The following TRIM36 variants were observed in gnomAD, a reference collection of about 807,000 sequenced individuals.
TRIM36 encodes the protein tripartite motif containing 36, also known as E3 ubiquitin-protein ligase TRIM36.
In TRIM36, 42 loss-of-function variants were observed where a neutral mutation model predicts 72.4. The observed-to-expected ratio is 0.58, with a 90% CI of 0.45 to 0.75. The LOEUF (loss-of-function observed/expected upper bound fraction) is 0.75. TRIM36 is among the 30% of genes least tolerant of loss of function. TRIM36 has a pLI of 0.00. For synonymous variants in TRIM36, 315 were observed against 282.8 expected (o/e 1.11, Z -1.14); for missense variants, 913 against 857.1 (o/e 1.07, Z -0.81).
intron 1 of TRIM36, among the ~76,000 whole-genome samples, chr5:115,166,670 C>T (rs1026450173): frequency 3.9e-5 from 6 of 152,210 alleles, no homozygotes; most frequent in African/African-American, 1.2e-4. Context: ...CCCTGCTGCT[C>T]GCCATGTTGT....
chr5:115,169,609 G>A lies in TRIM36; in HGVS notation c.26C>T (p.Pro9Leu). The A allele has an allele frequency of 2.0e-6, 3 of 1,521,688 alleles. No homozygotes were observed. The highest frequency in any genetic ancestry group is 1.8e-6 in the Non-Finnish European group (2 of 1,140,352). The allele number at this position is 1,521,688 out of a possible 1,614,324, so 94.3% of individuals were successfully genotyped here. Reference sequence around the variant, plus strand: ...GGCGGCGGTCCCCTCCGCACTCACCGGCGAATCTGAGCCATCGCCCTCCAT... The same window carrying A: ...GGCGGCGGTCCCCTCCGCACTCACCAGCGAATCTGAGCCATCGCCCTCCAT... MEGDGSDS[P>L]VTIKNIEREL... Residue 9 changes from proline to leucine, a missense_variant and splice_region_variant, in exon 1 of 10, where the codon CCG (proline) becomes CTG (leucine). Physicochemically the swap from Pro to Leu is moderately conservative, Grantham distance 98. Coordinates refer to ENST00000513154, the MANE Select transcript of TRIM36 (RefSeq NM_001300759.2).
At chr5:115,127,926 T>C (rs961502143) in intron 9 of TRIM36, among the ~76,000 whole-genome samples, 1 of 152,084 alleles carries the variant, frequency 6.6e-6, no homozygotes, top group Non-Finnish European at 1.5e-5. Context: ...CCAGAAGACC[T>C]TCCAGTGGGA....
chr5:115,159,954 T>A (rs1754388703), intron 2 of TRIM36, among the ~76,000 whole-genome samples: 2 of 152,042 alleles, frequency 1.3e-5, no homozygotes, highest in Non-Finnish European at 2.9e-5. Context: ...AAGGTAAATG[T>A]TGCAAATACA....
rs529742324 is a variant in TRIM36 at position 115,130,581 on chromosome 5, C to T, written c.1796+11G>A. The T allele has an allele frequency of 5.3e-4, 855 of 1,608,556 alleles. 11 individuals are homozygous for T. The South Asian group carries it at 8.8e-3, about 17-fold the overall frequency. On this transcript the variant is annotated intron_variant, in intron 9 of 9. Transcript: ENST00000513154. Reference sequence around the variant, plus strand: ...AAAATTATCAAGTTCTAGATCAATACAAAAACCTACCTTGGACTAACTGCA... The same window carrying T: ...AAAATTATCAAGTTCTAGATCAATATAAAAACCTACCTTGGACTAACTGCA...
chr5:115,167,906 G>C (rs1754878605), intron 1 of TRIM36, among the ~76,000 whole-genome samples: 1 of 152,232 alleles, frequency 6.6e-6, no homozygotes, highest in Non-Finnish European at 1.5e-5. Context: ...TTGACTCACA[G>C]TTCTGCATGG....
At chr5:115,151,270 G>C (rs982440599) in intron 2 of TRIM36, among the ~76,000 whole-genome samples, 1 of 152,116 alleles carries the variant, frequency 6.6e-6, no homozygotes, top group Admixed American at 6.5e-5. Flanking sequence ...CCTTCACTTC[G>C]CTGACAACCT....
At chr5:115,175,028 T>C (rs564237197) in intron 1 of TRIM36, among the ~76,000 whole-genome samples, 4 of 152,308 alleles carry the variant, frequency 2.6e-5, no homozygotes, top group African/African-American at 9.6e-5. Context: ...GACCACATCT[T>C]ATTATTCTTC....
chr5:115,156,806 G>C (rs1754199462), intron 2 of TRIM36, among the ~76,000 whole-genome samples: 1 of 152,148 alleles, frequency 6.6e-6, no homozygotes, highest in South Asian at 2.1e-4. Flanking sequence ...TAAAAACAAA[G>C]ACAAATTGCT....
At chr5:115,131,207 C>A (rs1052866697) in intron 8 of TRIM36, among the ~76,000 whole-genome samples, 3 of 151,948 alleles carry the variant, frequency 2.0e-5, no homozygotes, top group Non-Finnish European at 2.9e-5. Flanking sequence ...TGAATTTGTT[C>A]TTTTATCTTT....
At chr5:115,176,025 C>A (rs985859821) in intron 1 of TRIM36, among the ~76,000 whole-genome samples, 3 of 152,010 alleles carry the variant, frequency 2.0e-5, no homozygotes, top group Non-Finnish European at 4.4e-5. Context: ...ACTAGGGAGG[C>A]TGAGGTAGGA....
At position 115,144,824 on chromosome 5, in the gene TRIM36, C is replaced by A; in HGVS notation, c.589-80G>T. 6 of 1,455,324 alleles carry A rather than the reference C, an allele frequency of 4.1e-6. No homozygotes were observed. The South Asian group carries it at 4.2e-5, about 10-fold the overall frequency. 90.2% of individuals were successfully genotyped at this position (1,455,324 alleles called of 1,614,324 possible). A position where few individuals can be genotyped will look rare whatever the true frequency, so the allele number is the denominator to read the frequency against. On this transcript the variant is annotated intron_variant, in intron 3 of 9. Coordinates refer to ENST00000513154, the MANE Select transcript of TRIM36 (RefSeq NM_001300759.2). ...CAAATTACCAAAATACAAAGATTTG[C>A]CTTATAAAATCACTAAATAAAGCCA...
At position 115,137,368 on chromosome 5, in the gene TRIM36, G is replaced by A. The variant is rs1753019605; in HGVS notation, c.1080C>T (p.His360=). The change falls in exon 6 of 10, where the codon CAC becomes CAT. Residue 360 remains histidine (H), a synonymous_variant. Transcript: ENST00000513154. ...TTAGAAGTAAAAGAGAATACCTGAG[G>A]TGGAGCTGCTTTGCTGTCTGCACAA... is the stretch of plus-strand genomic sequence containing the variant. The part of the protein sequence containing the change: ...SCFVQTAKQL[H]LRIQKATESL... The A allele has an allele frequency of 1.9e-6, 3 of 1,605,132 alleles. No individual in the cohort carries two copies. The highest frequency in any genetic ancestry group is 2.5e-6 in the Non-Finnish European group (3 of 1,177,348).
At chr5:115,157,160 A>C (rs1029560479) in intron 2 of TRIM36, among the ~76,000 whole-genome samples, 1 of 151,884 alleles carries the variant, frequency 6.6e-6, no homozygotes, top group Non-Finnish European at 1.5e-5. Flanking sequence ...AAAAAAAAAA[A>C]CAGTAGATGT....
At position 115,169,787 on chromosome 5, in the gene TRIM36, G is replaced by A. The variant is rs1754997149; in HGVS notation, c.-153C>T. 3.8e-6 allele frequency: 5 copies of A among 1,316,506 alleles called. No homozygotes were observed. Among genetic ancestry groups the A allele is most frequent in the African/African-American group, 1.5e-5 (1 of 66,028 alleles). The allele number at this position is 1,316,506 out of a possible 1,614,324, so 81.6% of individuals were successfully genotyped here. ...AGCTGTACGTGGCCAGCGGACCGAC[G>A]CGGGGAGAAGTAAGCCGGGGCAGGC... On this transcript the variant is annotated 5_prime_UTR_variant, in exon 1 of 10. Transcript: ENST00000513154.
chr5:115,146,527 A>G (rs1753602670), intron 3 of TRIM36, among the ~76,000 whole-genome samples: 1 of 152,200 alleles, frequency 6.6e-6, no homozygotes, highest in African/African-American at 2.4e-5. Context: ...TATTAAAGAA[A>G]TTACTCAGAA....
chr5:115,173,711 T>C (rs1755220264), upstream of TRIM36, among the ~76,000 whole-genome samples: 1 of 152,180 alleles, frequency 6.6e-6, no homozygotes, highest in African/African-American at 2.4e-5. Flanking sequence ...AAAAAATCAT[T>C]ATTCCCCTAT....
exon 1 of TRIM36, chr5:115,180,130 C>T (rs1427916709): frequency 4.8e-6 from 6 of 1,243,058 alleles, no homozygotes; most frequent in Non-Finnish European, 7.0e-6. Context: ...CTGAGTTTTG[C>T]CGAGCTCCCC....
At chr5:115,146,199 T>C (rs1399350243) in intron 3 of TRIM36, among the ~76,000 whole-genome samples, 2 of 152,176 alleles carry the variant, frequency 1.3e-5, no homozygotes, top group East Asian at 3.8e-4. Flanking sequence ...GAAAGGTCAT[T>C]CAAAATGTGA....
chr5:115,130,046 T>A (rs762213085), intron 9 of TRIM36, among the ~76,000 whole-genome samples: 52 of 152,214 alleles, frequency 3.4e-4, no homozygotes, highest in Non-Finnish European at 6.9e-4. Context: ...GCTGGGATAC[T>A]GTTCACATGA....
Sources: allele counts gnomAD v4.1 joint callset (sites outside exome capture counted in the v4.1 genomes callset), GRCh38; gene constraint gnomAD v4.1.1; transcripts MANE v1.5; gene names NCBI Gene and HGNC (gene_info 2026-07-23, HGNC 2026-07-21).